Variants in TMEM123 observed in about 807,000 individuals in gnomAD.
TMEM123 encodes the protein porimin.
In TMEM123, 16 loss-of-function variants were observed where a neutral mutation model predicts 19.7. The observed-to-expected ratio is 0.81, with a 90% CI of 0.55 to 1.23. The LOEUF (loss-of-function observed/expected upper bound fraction) is 1.23. TMEM123 is among the 50% of genes most tolerant of loss of function. TMEM123 has a pLI of 0.00. For missense variants in TMEM123, 313 were observed against 257.8 expected (o/e 1.21, Z -1.47); for synonymous variants, 118 against 99.4 (o/e 1.19, Z -1.12).
intron 2 of TMEM123, among the ~76,000 whole-genome samples, chr11:102,410,452 GGTCTT>G (rs1204188542): frequency 1.3e-5 from 2 of 151,502 alleles, no homozygotes; most frequent in Non-Finnish European, 2.9e-5. Context: ...TTTTCCCATA[GGTCTT>G]GCCCATTCCA....
chr11:102,440,453 T>C (rs549645762), intron 2 of TMEM123, among the ~76,000 whole-genome samples: 4 of 152,222 alleles, frequency 2.6e-5, no homozygotes, highest in East Asian at 1.9e-4. Context: ...CCAAACTAAG[T>C]TTCATAAGTG....
At chr11:102,400,926 T>C (rs1951907375) in intron 4 of TMEM123, among the ~76,000 whole-genome samples, 1 of 152,168 alleles carries the variant, frequency 6.6e-6, no homozygotes, top group African/African-American at 2.4e-5. Flanking sequence ...CAAAAAGGAC[T>C]ATTGGAGCAA....
At chr11:102,432,719 T>TCC (rs1857724462) in intron 2 of TMEM123, among the ~76,000 whole-genome samples, 1 of 152,178 alleles carries the variant, frequency 6.6e-6, no homozygotes, top group South Asian at 2.1e-4. Flanking sequence ...CAGCAGCCCC[T>TCC]CCCATCACAG....
chr11:102,410,407 G>A (rs1027361089), intron 2 of TMEM123, among the ~76,000 whole-genome samples: 5 of 151,954 alleles, frequency 3.3e-5, no homozygotes, highest in South Asian at 2.1e-4. Context: ...CAAAGTTGAC[G>A]GGGCACTGTA....
At chr11:102,430,911 G>T (rs1476199400) in intron 2 of TMEM123, among the ~76,000 whole-genome samples, 1 of 152,170 alleles carries the variant, frequency 6.6e-6, no homozygotes, top group Non-Finnish European at 1.5e-5. Flanking sequence ...CACATACTGG[G>T]TGGGGATGAC....
intron 2 of TMEM123, among the ~76,000 whole-genome samples, chr11:102,422,108 C>G (rs982893401): frequency 1.3e-5 from 2 of 152,222 alleles, no homozygotes; most frequent in African/African-American, 4.8e-5. Context: ...AATTTTACCA[C>G]TATCTTCACT....
chr11:102,426,616 T>A (rs1952128038), intron 2 of TMEM123, among the ~76,000 whole-genome samples: 1 of 152,058 alleles, frequency 6.6e-6, no homozygotes, highest in Non-Finnish European at 1.5e-5. Flanking sequence ...GAGTGGAAAG[T>A]TATCTAAGAG....
chr11:102,404,057 C>G (rs1397896028), intron 2 of TMEM123, among the ~76,000 whole-genome samples: 1 of 152,104 alleles, frequency 6.6e-6, no homozygotes, highest in Admixed American at 6.5e-5. Flanking sequence ...ACAAAATGTA[C>G]TAAGACACCT....
intron 2 of TMEM123, among the ~76,000 whole-genome samples, chr11:102,444,601 A>G (rs1186553435): frequency 6.6e-6 from 1 of 151,994 alleles, no homozygotes; most frequent in African/African-American, 2.4e-5. Flanking sequence ...TGACGAGTTG[A>G]CGGGTGCAGC....
intron 2 of TMEM123, among the ~76,000 whole-genome samples, chr11:102,409,587 C>T (rs934333628): frequency 1.3e-5 from 2 of 152,080 alleles, no homozygotes; most frequent in East Asian, 1.9e-4. Context: ...CCTAGACAGG[C>T]CGGGTGTGGT....
chr11:102,441,400 C>T (rs565464298), intron 2 of TMEM123, among the ~76,000 whole-genome samples: 14 of 152,222 alleles, frequency 9.2e-5, no homozygotes, highest in East Asian at 5.8e-4. Flanking sequence ...CACTCAAAAC[C>T]GCTCAACTAC....
chr11:102,405,043 ATTTTCTT>A (rs986995576), intron 2 of TMEM123, among the ~76,000 whole-genome samples: 12 of 145,854 alleles, frequency 8.2e-5, no homozygotes, highest in Non-Finnish European at 1.2e-4. Context: ...AGTATGACCT[ATTTTCTT>A]TTTTCTTTTT....
intron 2 of TMEM123, among the ~76,000 whole-genome samples, chr11:102,443,210 T>C (rs371499245): frequency 1.5e-3 from 231 of 152,262 alleles, no homozygotes; most frequent in African/African-American, 5.3e-3. Context: ...CAAGTTCATA[T>C]GGAACAAAAA....
intron 4 of TMEM123, among the ~76,000 whole-genome samples, chr11:102,400,099 G>T (rs1410379860): frequency 6.6e-6 from 1 of 152,196 alleles, no homozygotes; most frequent in Non-Finnish European, 1.5e-5. Context: ...GAAAATCTGG[G>T]AAACTTCCAT....
At chr11:102,446,294 A>G (rs1591568705) in intron 2 of TMEM123, among the ~76,000 whole-genome samples, 1 of 152,250 alleles carries the variant, frequency 6.6e-6, no homozygotes, top group East Asian at 1.9e-4. Flanking sequence ...TATTTTCTAT[A>G]TAAGCTGAAA....
chr11:102,432,263 G>A (rs531355424), intron 2 of TMEM123, among the ~76,000 whole-genome samples: 9 of 151,858 alleles, frequency 5.9e-5, no homozygotes, highest in African/African-American at 2.2e-4. Flanking sequence ...AAAGATGTGG[G>A]AAAGTTTGGA....
At chr11:102,411,308 C>G (rs1470887694) in intron 2 of TMEM123, among the ~76,000 whole-genome samples, 1 of 152,078 alleles carries the variant, frequency 6.6e-6, no homozygotes, top group Admixed American at 6.6e-5. Flanking sequence ...GGCGGTGTTC[C>G]CAGAGAGCGT....
chr11:102,448,886 T>C lies in TMEM123; in HGVS notation c.101-18A>G, dbSNP rs368074775. On this transcript the variant is annotated intron_variant, in intron 1 of 4. Coordinates refer to ENST00000398136, the MANE Select transcript of TMEM123 (RefSeq NM_052932.3). The stretch of plus-strand genomic sequence containing the variant: ...TGCAGATGCTGTAAAAATAAAGAAA[T>C]ATCCTGTTATGAAAGAACATTTAAC... 2.1e-4 allele frequency: 342 copies of C among 1,612,404 alleles called. No homozygotes were observed. Among genetic ancestry groups the C allele is most frequent in the Non-Finnish European group, 2.8e-4 (328 of 1,178,824 alleles).
At chr11:102,407,242 G>A (rs1164671938) in intron 2 of TMEM123, among the ~76,000 whole-genome samples, 1 of 152,224 alleles carries the variant, frequency 6.6e-6, no homozygotes, top group Non-Finnish European at 1.5e-5. Context: ...AAGTAGGCCT[G>A]GGCTGGCAGA....
Sources: allele counts gnomAD v4.1 joint callset (sites outside exome capture counted in the v4.1 genomes callset), GRCh38; gene constraint gnomAD v4.1.1; transcripts MANE v1.5; gene names NCBI Gene and HGNC (gene_info 2026-07-23, HGNC 2026-07-21).